The following CALML5 variants were observed in gnomAD, a reference collection of about 807,000 sequenced individuals.
CALML5 encodes the protein calmodulin like 5.
For missense variants in CALML5, 207 were observed against 206.6 expected, an observed-to-expected ratio of 1.00 and a Z score of -0.01; for synonymous variants, 101 against 96.8, an observed-to-expected ratio of 1.04 and a Z score of -0.25.
Position 5,499,226 on chromosome 10 carries a change from C to A in CALML5, c.213G>T (p.Thr71=), listed in dbSNP as rs935990248. 2 of 1,613,138 alleles carry A rather than the reference C, an allele frequency of 1.2e-6. No individual in the cohort carries two copies. The highest frequency in any genetic ancestry group is 2.2e-5 in the East Asian group (1 of 44,858). ...GGCCGGCCCTGGCCTTCTTCGCCGC[C>A]GTCAGGAACTCCTGGAAGCTGATTT... ...DGEISFQEFL[T]AAKKARAGLE... is the part of the protein sequence containing the mutation. The change falls in exon 1 of 1, where the codon ACG becomes ACT. Residue 71 remains threonine (T), a synonymous_variant. Transcript: ENST00000380332.
In CALML5 at chr10:5,498,983, C is replaced by A; in HGVS notation, c.*15G>T. The stretch of plus-strand genomic sequence containing the variant: ...AAGGCTCAGAGCGCAGCCAGGGGGA[C>A]ACAGGCGGGGAGCCTCACTCCTGGG... On this transcript the variant is annotated 3_prime_UTR_variant, in exon 1 of 1. Transcript: ENST00000380332. 1.3e-6 allele frequency: 2 copies of A among 1,522,122 alleles called. No individual in the cohort carries two copies. Among genetic ancestry groups the A allele is most frequent in the Non-Finnish European group, 1.8e-6 (2 of 1,136,054 alleles). 94.3% of individuals were successfully genotyped at this position (1,522,122 alleles called of 1,614,324 possible).
chr10:5,499,474 T>C lies in CALML5; in HGVS notation c.-36A>G, dbSNP rs755803428. Reference sequence around the variant, plus strand: ...CCTGCACCTCGCGGAGCCTCCGAGCTGCTGCCCACCGGCCCTCAACCTGCT... The same window carrying C: ...CCTGCACCTCGCGGAGCCTCCGAGCCGCTGCCCACCGGCCCTCAACCTGCT... On this transcript the variant is annotated 5_prime_UTR_variant, in exon 1 of 1. Coordinates refer to ENST00000380332, the MANE Select transcript of CALML5 (RefSeq NM_017422.5). The C allele has an allele frequency of 8.9e-6, 14 of 1,569,570 alleles. No individual in the cohort carries two copies. The highest frequency in any genetic ancestry group is 1.2e-5 in the Non-Finnish European group (14 of 1,148,690).
In CALML5 at chr10:5,499,304, C is replaced by CG; in HGVS notation, c.134dup (p.Glu46GlyfsTer12). The CG allele has an allele frequency of 6.2e-7, 1 of 1,614,016 alleles. No homozygotes were observed. The highest frequency in any genetic ancestry group is 8.5e-7 in the Non-Finnish European group (1 of 1,179,936). ...AGATGAGTTTCCTTAGCTGGGCCTC[C>CG]GAGAGGTTCTTGCCCGTGGCCTTCA... On this transcript the variant is annotated frameshift_variant, in exon 1 of 1. Coordinates refer to ENST00000380332, the MANE Select transcript of CALML5 (RefSeq NM_017422.5). LOFTEE classifies it low-confidence loss of function (END_TRUNC).
At position 5,499,340 on chromosome 10, in the gene CALML5, C is replaced by T; in HGVS notation, c.99G>A (p.Leu33=). Residue 33 remains leucine, a synonymous_variant, in exon 1 of 1, where the codon CTG becomes CTA. Coordinates refer to ENST00000380332, the MANE Select transcript of CALML5 (RefSeq NM_017422.5). ...TGCCCGTGGCCTTCAGCGCCGCGCC[C>T]AGCTCCTGGGCATTGATGGTGCCGT... is the stretch of plus-strand genomic sequence containing the variant. The part of the protein sequence containing the change: ...DGNGTINAQE[L]GAALKATGKN... 1 of 1,614,174 alleles carries T rather than the reference C, an allele frequency of 6.2e-7. No homozygotes were observed. Among genetic ancestry groups the T allele is most frequent in the African/African-American group, 1.3e-5 (1 of 75,066 alleles).
rs1833270153 is a variant in CALML5 at position 5,498,903 on chromosome 10, G to C, written c.*95C>G. ...AGGGGGAGGCAGTTTCCCATCCACC[G>C]ACCAGGTTTCCCCGGAGAGTCCCAG... is the stretch of plus-strand genomic sequence containing the variant. On this transcript the variant is annotated 3_prime_UTR_variant, in exon 1 of 1. Coordinates refer to ENST00000380332, the MANE Select transcript of CALML5 (RefSeq NM_017422.5). 2 of 1,101,562 alleles carry C rather than the reference G, an allele frequency of 1.8e-6. No homozygotes were observed. Among genetic ancestry groups the C allele is most frequent in the South Asian group, 1.6e-5 (1 of 61,042 alleles). 68.2% of individuals were successfully genotyped at this position (1,101,562 alleles called of 1,614,324 possible). A position where few individuals can be genotyped will look rare whatever the true frequency, so the allele number is the denominator to read the frequency against.
chr10:5,499,331 C>A lies in CALML5; in HGVS notation c.108G>T (p.Ala36=), dbSNP rs116143222. Residue 36 remains alanine (A), a synonymous_variant, in exon 1 of 1, where the codon GCG becomes GCT. Transcript: ENST00000380332. ...AGAGGTTCTTGCCCGTGGCCTTCAG[C>A]GCCGCGCCCAGCTCCTGGGCATTGA... The part of the protein sequence containing the change: ...GTINAQELGA[A]LKATGKNLSE... 4 of 1,614,006 alleles carry A rather than the reference C, an allele frequency of 2.5e-6. No homozygotes were observed. Among genetic ancestry groups the A allele is most frequent in the Non-Finnish European group, 2.5e-6 (3 of 1,179,994 alleles).
Position 5,498,895 on chromosome 10 carries a change from C to T in CALML5, c.*103G>A, listed in dbSNP as rs1833270067. The T allele has an allele frequency of 2.9e-6, 3 of 1,041,982 alleles. No individual in the cohort carries two copies. Among genetic ancestry groups the T allele is most frequent in the African/African-American group, 1.6e-5 (1 of 61,954 alleles). The allele number at this position is 1,041,982 out of a possible 1,614,324, so 64.5% of individuals were successfully genotyped here. A position where few individuals can be genotyped will look rare whatever the true frequency, so the allele number is the denominator to read the frequency against. On this transcript the variant is annotated 3_prime_UTR_variant, in exon 1 of 1. Transcript: ENST00000380332. ...TTCCTCCCAGGGGGAGGCAGTTTCCCATCCACCGACCAGGTTTCCCCGGAG... is the reference window on the plus strand; with the variant it reads ...TTCCTCCCAGGGGGAGGCAGTTTCCTATCCACCGACCAGGTTTCCCCGGAG...
Position 5,498,833 on chromosome 10 carries a change from C to T in CALML5, c.*165G>A. The T allele has an allele frequency of 1.5e-6, 1 of 647,440 alleles. No homozygotes were observed. Among genetic ancestry groups the T allele is most frequent in the East Asian group, 2.8e-5 (1 of 35,276 alleles). The allele number at this position is 647,440 out of a possible 1,614,324, so 40.1% of individuals were successfully genotyped here. A position where few individuals can be genotyped will look rare whatever the true frequency, so the allele number is the denominator to read the frequency against. On this transcript the variant is annotated 3_prime_UTR_variant, in exon 1 of 1. Transcript: ENST00000380332. The stretch of plus-strand genomic sequence containing the variant: ...AGGCAGAGAGGGGCTCGCAGGCGGC[C>T]CGAGGGCGCCGCATCCAGGCCCCGG...
Position 5,499,505 on chromosome 10 carries a change from C to G in CALML5, c.-67G>C. 7.0e-7 allele frequency: 1 copy of G among 1,418,528 alleles called. No individual in the cohort carries two copies. The highest frequency in any genetic ancestry group is 1.8e-4 in the Middle Eastern group (1 of 5,480). 87.9% of individuals were successfully genotyped at this position (1,418,528 alleles called of 1,614,324 possible). ...CCACCGGCCCTCAACCTGCTGCTCTCAGAGCTCGTGGTCCAGAGTGCAGGC... is the reference window on the plus strand; with the variant it reads ...CCACCGGCCCTCAACCTGCTGCTCTGAGAGCTCGTGGTCCAGAGTGCAGGC... On this transcript the variant is annotated 5_prime_UTR_variant, in exon 1 of 1. Transcript: ENST00000380332.
rs202143421 is a variant in CALML5, at chr10:5,499,473, C to T, written c.-35G>A. On this transcript the variant is annotated 5_prime_UTR_variant, in exon 1 of 1. Transcript: ENST00000380332. ...TCCTGCACCTCGCGGAGCCTCCGAG[C>T]TGCTGCCCACCGGCCCTCAACCTGC... 74 of 1,567,700 alleles carry T rather than the reference C, an allele frequency of 4.7e-5. No individual in the cohort carries two copies. Among genetic ancestry groups the T allele is most frequent in the Non-Finnish European group, 6.2e-5 (71 of 1,146,990 alleles).
chr10:5,499,066 C>T lies in CALML5; in HGVS notation c.373G>A (p.Glu125Lys), dbSNP rs1349085552. The change falls in exon 1 of 1, where the codon GAG becomes AAG. Residue 125 changes from glutamate to lysine, a missense_variant. Glu to Lys is a moderately conservative substitution (Grantham distance 56, BLOSUM62 1). Coordinates refer to ENST00000380332, the MANE Select transcript of CALML5 (RefSeq NM_017422.5). ...CGCCCGTCCTGGTCCACGTCGGCCT[C>T]GCGGATCATGGCGTCCAGCTCCTCC... ...PQEELDAMIR[E>K]ADVDQDGRVN... The T allele has an allele frequency of 1.9e-6, 3 of 1,598,382 alleles. No homozygotes were observed. Among genetic ancestry groups the T allele is most frequent in the East Asian group, 2.2e-5 (1 of 44,606 alleles).
In CALML5 at chr10:5,499,357, T is replaced by C; in HGVS notation, c.82A>G (p.Ile28Val). 1 of 1,614,182 alleles carries C rather than the reference T, an allele frequency of 6.2e-7. No individual in the cohort carries two copies. The highest frequency in any genetic ancestry group is 8.5e-7 in the Non-Finnish European group (1 of 1,180,002). ...SAVDTDGNGT[I>V]NAQELGAALK... ...GCCGCGCCCAGCTCCTGGGCATTGATGGTGCCGTTTCCATCCGTGTCAACC... is the reference window on the plus strand; with the variant it reads ...GCCGCGCCCAGCTCCTGGGCATTGACGGTGCCGTTTCCATCCGTGTCAACC... The change falls in exon 1 of 1, where the codon ATC (isoleucine) becomes GTC (valine). Residue 28 changes from isoleucine (I) to valine (V), a missense_variant. Physicochemically the swap from Ile to Val is conservative, Grantham distance 29 (BLOSUM62 3). Transcript: ENST00000380332.
At position 5,499,548 on chromosome 10, in the gene CALML5, C is replaced by A. The variant is rs931767204; in HGVS notation, c.-110G>T. On this transcript the variant is annotated 5_prime_UTR_variant, in exon 1 of 1. Coordinates refer to ENST00000380332, the MANE Select transcript of CALML5 (RefSeq NM_017422.5). ...GTGCAGGCAGCCGCAGGGATCCGGG[C>A]AGCGTCTGTCCCAGACAGTTCTGCC... The A allele has an allele frequency of 1.7e-5, 15 of 888,858 alleles. No homozygotes were observed. In the African/African-American group the frequency reaches 2.5e-4, roughly 15 times the overall value. 55.1% of individuals were successfully genotyped at this position (888,858 alleles called of 1,614,324 possible). A position where few individuals can be genotyped will look rare whatever the true frequency, so the allele number is the denominator to read the frequency against.
rs776783615 is a variant in CALML5 at position 5,499,435 on chromosome 10, C to T, written c.4G>A (p.Ala2Thr). Reference protein sequence around the residue: MAGELTPEEEAQ... With the variant: MTGELTPEEEAQ... ...TCCTCCTCAGGAGTCAGCTCACCGGCCATGCCTGCGTCTCCTGCACCTCGC... is the reference window on the plus strand; with the variant it reads ...TCCTCCTCAGGAGTCAGCTCACCGGTCATGCCTGCGTCTCCTGCACCTCGC... The change falls in exon 1 of 1, where the codon GCC (alanine) becomes ACC (threonine). Residue 2 changes from alanine to threonine, a missense_variant. Transcript: ENST00000380332. 1.1e-5 allele frequency: 17 copies of T among 1,610,032 alleles called. No individual in the cohort carries two copies. In the Admixed American group the frequency reaches 2.7e-4, roughly 25 times the overall value.
chr10:5,499,067 G>T lies in CALML5; in HGVS notation c.372C>A (p.Arg124=). Residue 124 remains arginine (R), a synonymous_variant, in exon 1 of 1, where the codon CGC becomes CGA. Transcript: ENST00000380332. Reference sequence around the variant, plus strand: ...GCCCGTCCTGGTCCACGTCGGCCTCGCGGATCATGGCGTCCAGCTCCTCCT... The same window carrying T: ...GCCCGTCCTGGTCCACGTCGGCCTCTCGGATCATGGCGTCCAGCTCCTCCT... ...LPQEELDAMI[R]EADVDQDGRV... 2 of 1,598,374 alleles carry T rather than the reference G, an allele frequency of 1.3e-6. No individual in the cohort carries two copies.
rs1833281463 is a variant in CALML5 at position 5,499,398 on chromosome 10, T to A, written c.41A>T (p.Lys14Ile). Residue 14 changes from lysine to isoleucine, a missense_variant, in exon 1 of 1, where the codon AAA becomes ATA. Coordinates refer to ENST00000380332, the MANE Select transcript of CALML5 (RefSeq NM_017422.5). ...CGTGTCAACCGCGGAGAAAGCCTTTTTGTACTGGGCCTCCTCCTCAGGAGT... is the reference window on the plus strand; with the variant it reads ...CGTGTCAACCGCGGAGAAAGCCTTTATGTACTGGGCCTCCTCCTCAGGAGT... ...ELTPEEEAQY[K>I]KAFSAVDTDG... 1 of 1,613,974 alleles carries A rather than the reference T, an allele frequency of 6.2e-7. No homozygotes were observed. Among genetic ancestry groups the A allele is most frequent in the African/African-American group, 1.3e-5 (1 of 74,910 alleles).
chr10:5,499,143 G>A lies in CALML5; in HGVS notation c.296C>T (p.Thr99Ile). 6.2e-7 allele frequency: 1 copy of A among 1,605,142 alleles called. No individual in the cohort carries two copies. The highest frequency in any genetic ancestry group is 1.1e-5 in the South Asian group (1 of 91,020). ...AFDQDGDGHI[T>I]VDELRRAMAG... Reference sequence around the variant, plus strand: ...CATGGCCCGCCTGAGCTCGTCCACGGTGATGTGGCCGTCGCCATCCTGGTC... The same window carrying A: ...CATGGCCCGCCTGAGCTCGTCCACGATGATGTGGCCGTCGCCATCCTGGTC... The change falls in exon 1 of 1, where the codon ACC becomes ATC. Residue 99 changes from threonine (T) to isoleucine (I), a missense_variant. By Grantham distance (89) the Thr-to-Ile change is moderately conservative (BLOSUM62 -1). Transcript: ENST00000380332.
At position 5,498,726 on chromosome 10, in the gene CALML5, A is replaced by T. The variant is rs757247524; in HGVS notation, c.*272T>A. Reference sequence around the variant, plus strand: ...ACTCGGCAGTCCTTTATTTAGATCAATGCGGGGCTGAGGGGCCCTCATTCC... The same window carrying T: ...ACTCGGCAGTCCTTTATTTAGATCATTGCGGGGCTGAGGGGCCCTCATTCC... On this transcript the variant is annotated 3_prime_UTR_variant, in exon 1 of 1. Transcript: ENST00000380332. 2.4e-5 allele frequency: 13 copies of T among 534,028 alleles called. No homozygotes were observed. Among genetic ancestry groups the T allele is most frequent in the Non-Finnish European group, 4.3e-5 (13 of 304,866 alleles). 33.1% of individuals were successfully genotyped at this position (534,028 alleles called of 1,614,324 possible).
rs530003084 is a variant in CALML5 at position 5,498,754 on chromosome 10, T to C, written c.*244A>G. ...CGGGGCTGAGGGGCCCTCATTCCAC[T>C]GCAGGGCAAAGGGGGACCAGGCCCA... On this transcript the variant is annotated 3_prime_UTR_variant, in exon 1 of 1. Coordinates refer to ENST00000380332, the MANE Select transcript of CALML5 (RefSeq NM_017422.5). 2.3e-5 allele frequency: 13 copies of C among 563,856 alleles called. No individual in the cohort carries two copies. Among genetic ancestry groups the C allele is most frequent in the East Asian group, 1.5e-4 (5 of 33,286 alleles). The allele number at this position is 563,856 out of a possible 1,614,324, so 34.9% of individuals were successfully genotyped here.
Sources: gnomAD v4.1 joint callset for allele counts on GRCh38, gnomAD v4.1.1 for gene constraint, MANE v1.5 for transcripts, NCBI Gene and HGNC (gene_info 2026-07-23, HGNC 2026-07-21) for gene names.